Variants in CELSR2 observed in about 807,000 individuals in gnomAD.
CELSR2 encodes EGF-like protein 2.
CELSR2 carries 81 observed loss-of-function variants against 251.6 expected under a neutral mutation model. The ratio of observed to expected loss-of-function variants is 0.32; its 90% CI spans 0.27 to 0.39. CELSR2 has a LOEUF of 0.39. Ranked by LOEUF, CELSR2 falls within the 10% of genes least tolerant of loss-of-function variation. The probability of loss-of-function intolerance (pLI) is 1.00; values close to 1 mark genes in which losing one functional copy is unlikely to be tolerated. For synonymous variants in CELSR2, 1,721 were observed against 1,670.5 expected (o/e 1.03, Z -0.74); for missense variants, 3,365 against 3,947.7 (o/e 0.85, Z 3.96).
Position 109,273,355 on chromosome 1 carries a change from G to A in CELSR2, c.8509+19G>A, listed in dbSNP as rs756375568. The A allele has an allele frequency of 6.2e-7, 1 of 1,602,580 alleles. No homozygotes were observed. The highest frequency in any genetic ancestry group is 1.1e-5 in the South Asian group (1 of 89,362). Reference sequence around the variant, plus strand: ...CACAAAGGTGAGTGGGGCACCCCCAGCTGCCGAGCTCCCCTAGTCAGCAGC... The same window carrying A: ...CACAAAGGTGAGTGGGGCACCCCCAACTGCCGAGCTCCCCTAGTCAGCAGC... On this transcript the variant is annotated intron_variant, in intron 32 of 33. Coordinates refer to ENST00000271332, the MANE Select transcript of CELSR2 (RefSeq NM_001408.3).
In CELSR2 at chr1:109,253,239, C is replaced by T; in HGVS notation, c.3160C>T (p.Pro1054Ser). 6.2e-7 allele frequency: 1 copy of T among 1,613,488 alleles called. No homozygotes were observed. Among genetic ancestry groups the T allele is most frequent in the Non-Finnish European group, 8.5e-7 (1 of 1,180,046 alleles). Residue 1054 changes from proline (P) to serine (S), a missense_variant, in exon 1 of 34, where the codon CCT becomes TCT. Transcript: ENST00000271332. Reference sequence around the variant, plus strand: ...CATTGGCCGAGTACCTGCCCATGACCCTGATATCTCAGATAGTCTGACTTA... The same window carrying T: ...CATTGGCCGAGTACCTGCCCATGACTCTGATATCTCAGATAGTCTGACTTA... ...GAIGRVPAHD[P>S]DISDSLTYSF...
At chr1:109,263,533 C>G in intron 8 of CELSR2, 78 bp from the exon 9 acceptor site, 1 of 1,553,700 alleles carries the variant, frequency 6.4e-7, no homozygotes, top group Non-Finnish European at 8.8e-7. Context: ...TCCCGTGCAG[C>G]CGCCACCGCT....
In CELSR2 at chr1:109,266,221, C is replaced by T. The variant is rs1344997997; in HGVS notation, c.6013+15C>T. ...AGGCTCCTTTGGTAGGTGTTGGAGG[C>T]CCCGATGTGATGTCGAGGACATGGC... is the stretch of plus-strand genomic sequence containing the variant. On this transcript the variant is annotated intron_variant, in intron 15 of 33. Coordinates refer to ENST00000271332, the MANE Select transcript of CELSR2 (RefSeq NM_001408.3). The T allele has an allele frequency of 6.2e-7, 1 of 1,613,304 alleles. No individual in the cohort carries two copies. The highest frequency in any genetic ancestry group is 1.1e-5 in the South Asian group (1 of 91,042).
rs760443708 is a variant in CELSR2, at chr1:109,252,312, G to T, written c.2233G>T (p.Ala745Ser). 6.2e-7 allele frequency: 1 copy of T among 1,613,142 alleles called. No homozygotes were observed. The highest frequency in any genetic ancestry group is 8.5e-7 in the Non-Finnish European group (1 of 1,180,024). Residue 745 changes from alanine (A) to serine (S), a missense_variant, in exon 1 of 34, where the codon GCC becomes TCC. By Grantham distance (99) the Ala-to-Ser change is moderately conservative. Around this residue, in one of 5 missense-constraint regions of CELSR2, gnomAD observed 505 missense variants for 660.0 expected, o/e 0.77. Coordinates refer to ENST00000271332, the MANE Select transcript of CELSR2 (RefSeq NM_001408.3). The surrounding 1 kb of genome is among the most constrained non-coding windows in gnomAD (Gnocchi z 4.8). ...CACGGATGAGGACACAGGTGAGAAT[G>T]CCCGCATCACCTACTTCATGGAGGA... ...SATDEDTGEN[A>S]RITYFMEDSI...
chr1:109,252,750 G>C lies in CELSR2; in HGVS notation c.2671G>C (p.Ala891Pro). The C allele has an allele frequency of 6.2e-7, 1 of 1,614,024 alleles. No individual in the cohort carries two copies. Among genetic ancestry groups the C allele is most frequent in the Non-Finnish European group, 8.5e-7 (1 of 1,180,038 alleles). ...GAACGTGGCCCAGTATGTCTTGCGGGCATATGCAGTGGACAAGGGGATGCC... is the reference window on the plus strand; with the variant it reads ...GAACGTGGCCCAGTATGTCTTGCGGCCATATGCAGTGGACAAGGGGATGCC... ...RENVAQYVLR[A>P]YAVDKGMPPA... Residue 891 changes from alanine (A) to proline (P), a missense_variant, in exon 1 of 34, where the codon GCA (alanine) becomes CCA (proline). Ala to Pro is a conservative substitution (Grantham distance 27). Transcript: ENST00000271332. This position sits in a 1 kb window ranked among gnomAD's most constrained non-coding sequence, Gnocchi z 4.8.
In CELSR2 at chr1:109,270,556, G is replaced by A. The variant is rs759555728; in HGVS notation, c.7439G>A (p.Arg2480His). The A allele has an allele frequency of 5.0e-6, 8 of 1,614,138 alleles. No homozygotes were observed. The highest frequency in any genetic ancestry group is 1.6e-4 in the Middle Eastern group (1 of 6,062). ...CGCGATGTCAACACCGGCCCCATGC[G>A]CTTCTACTACATGCTGGGCTGGGGC... ...EVRDVNTGPM[R>H]FYYMLGWGVP... The change falls in exon 24 of 34, where the codon CGC (arginine) becomes CAC (histidine). Residue 2480 changes from arginine (R) to histidine (H), a missense_variant. Arg to His is a conservative substitution (Grantham distance 29). Around this residue, in one of 5 missense-constraint regions of CELSR2, gnomAD observed 2,093 missense variants for 2,382.8 expected, o/e 0.88. Transcript: ENST00000271332.
In CELSR2 at chr1:109,253,164, C is replaced by G. The variant is rs1655748001; in HGVS notation, c.3085C>G (p.Leu1029Val). 1 of 1,613,612 alleles carries G rather than the reference C, an allele frequency of 6.2e-7. No individual in the cohort carries two copies. The highest frequency in any genetic ancestry group is 1.3e-5 in the African/African-American group (1 of 74,932). ...ACCAGTGCTGGGCAACTTTGAGATC[C>G]TTTTCAACAACTATGTCACCAATCG... ...NPPVLGNFEI[L>V]FNNYVTNRSS... Residue 1029 changes from leucine (L) to valine (V), a missense_variant, in exon 1 of 34, where the codon CTT (leucine) becomes GTT (valine). Around this residue, in one of 5 missense-constraint regions of CELSR2, gnomAD observed 505 missense variants for 660.0 expected, o/e 0.77. Coordinates refer to ENST00000271332, the MANE Select transcript of CELSR2 (RefSeq NM_001408.3).
At chr1:109,266,416 G>T (rs546340102) in intron 15 of CELSR2, 15 of 604,220 alleles carry the variant, frequency 2.5e-5, no homozygotes, top group African/African-American at 3.7e-5. Context: ...TTTTGTTTTG[G>T]TTTGGTTTTT....
rs754111088 is a variant in CELSR2, at chr1:109,258,991, C to T, written c.3870C>T (p.Asp1290=). Residue 1290 remains aspartate (D), a synonymous_variant, in exon 2 of 34, where the codon GAC becomes GAT. Transcript: ENST00000271332. ...FTGDYCETEV[D]LCYSRPCGPH... ...GTGACTACTGCGAGACCGAGGTGGA[C>T]CTCTGCTACTCGCGGCCCTGTGGCC... The T allele has an allele frequency of 6.2e-7, 1 of 1,608,188 alleles. No homozygotes were observed. The highest frequency in any genetic ancestry group is 8.5e-7 in the Non-Finnish European group (1 of 1,179,396).
chr1:109,255,320 C>T (rs1199161076), intron 1 of CELSR2, among the ~76,000 whole-genome samples: 1 of 152,180 alleles, frequency 6.6e-6, no homozygotes, highest in Admixed American at 6.6e-5. Flanking sequence ...CTCCCTGCTC[C>T]TGCGGCTCTC....
In CELSR2 at chr1:109,269,280, C is replaced by T. The variant is rs753461512; in HGVS notation, c.6802C>T (p.Arg2268Cys). 6.2e-7 allele frequency: 1 copy of T among 1,613,252 alleles called. No individual in the cohort carries two copies. Among genetic ancestry groups the T allele is most frequent in the Non-Finnish European group, 8.5e-7 (1 of 1,179,974 alleles). ...LLPHNYDPDK[R>C]SLRVPKRPII... ...GCCTCATAACTATGACCCTGACAAG[C>T]GCAGCTTGAGGTCAGCAGCTAGGGG... Residue 2268 changes from arginine to cysteine, a missense_variant, in exon 20 of 34, where the codon CGC (arginine) becomes TGC (cysteine). Coordinates refer to ENST00000271332, the MANE Select transcript of CELSR2 (RefSeq NM_001408.3). This position sits in a 1 kb window ranked among gnomAD's most constrained non-coding sequence, Gnocchi z 6.4.
chr1:109,256,491 C>T (rs190002508), intron 1 of CELSR2, among the ~76,000 whole-genome samples: 4 of 152,300 alleles, frequency 2.6e-5, no homozygotes, highest in African/African-American at 7.2e-5. Context: ...CTGGTACAGT[C>T]AGCCACCGCA....
At position 109,270,584 on chromosome 1, in the gene CELSR2, G is replaced by C. The variant is rs757223017; in HGVS notation, c.7467G>C (p.Val2489=). ...MRFYYMLGWG[V]PAFITGLAVG... ...TCTACTACATGCTGGGCTGGGGCGT[G>C]CCTGCCTTCATCACAGGTACTCCCA... Residue 2489 remains valine (V), a synonymous_variant, in exon 24 of 34, where the codon GTG becomes GTC. Coordinates refer to ENST00000271332, the MANE Select transcript of CELSR2 (RefSeq NM_001408.3). The C allele has an allele frequency of 6.2e-7, 1 of 1,613,990 alleles. No individual in the cohort carries two copies. Among genetic ancestry groups the C allele is most frequent in the Non-Finnish European group, 8.5e-7 (1 of 1,179,998 alleles).
Position 109,273,018 on chromosome 1 carries a change from A to T in CELSR2, c.8329A>T (p.Thr2777Ser), listed in dbSNP as rs1378985062. ...AGCAGAGAGACTGCCCCTGCACAGTACTCCCAAGGGTGGGCCAGCACTGGG... is the reference window on the plus strand; with the variant it reads ...AGCAGAGAGACTGCCCCTGCACAGTTCTCCCAAGGGTGGGCCAGCACTGGG... ...PGAERLPLHS[T>S]PKDGGPGPGK... The change falls in exon 31 of 34, where the codon ACT becomes TCT. Residue 2777 changes from threonine to serine, a missense_variant. Physicochemically the swap from Thr to Ser is moderately conservative, Grantham distance 58 (BLOSUM62 1). This residue lies in a region of CELSR2 where 2,093 missense variants were observed against 2,382.8 expected (regional missense o/e 0.88). Coordinates refer to ENST00000271332, the MANE Select transcript of CELSR2 (RefSeq NM_001408.3). The T allele has an allele frequency of 1.9e-6, 3 of 1,611,502 alleles. No homozygotes were observed. The highest frequency in any genetic ancestry group is 8.5e-7 in the Non-Finnish European group (1 of 1,178,686).
In CELSR2 at chr1:109,251,524, C is replaced by T; in HGVS notation, c.1445C>T (p.Pro482Leu). ...LRVRAQDGGR[P>L]PLSNVSGLVT... is the part of the protein sequence containing the mutation. Reference sequence around the variant, plus strand: ...GTGCGAGCACAGGATGGTGGCCGTCCCCCACTCTCTAATGTCTCTGGCTTG... The same window carrying T: ...GTGCGAGCACAGGATGGTGGCCGTCTCCCACTCTCTAATGTCTCTGGCTTG... Residue 482 changes from proline (P) to leucine (L), a missense_variant, in exon 1 of 34, where the codon CCC (proline) becomes CTC (leucine). By Grantham distance (98) the Pro-to-Leu change is moderately conservative (BLOSUM62 -3). This residue lies in a region of CELSR2 where 704 missense variants were observed against 784.1 expected (regional missense o/e 0.90). Transcript: ENST00000271332. The surrounding 1 kb of genome is among the most constrained non-coding windows in gnomAD (Gnocchi z 4.9). 1 of 1,613,638 alleles carries T rather than the reference C, an allele frequency of 6.2e-7. No individual in the cohort carries two copies. The highest frequency in any genetic ancestry group is 8.5e-7 in the Non-Finnish European group (1 of 1,179,998).
At position 109,263,164 on chromosome 1, in the gene CELSR2, G is replaced by A; in HGVS notation, c.4731G>A (p.Val1577=). 1 of 1,599,864 alleles carries A rather than the reference G, an allele frequency of 6.3e-7. No individual in the cohort carries two copies. The highest frequency in any genetic ancestry group is 1.7e-5 in the Admixed American group (1 of 59,782). ...CAGGCTGCCCTGCCAAGAAGAACGTGTGTGACAGCAACACTTGCCACAATG... is the reference window on the plus strand; with the variant it reads ...CAGGCTGCCCTGCCAAGAAGAACGTATGTGACAGCAACACTTGCCACAATG... The part of the protein sequence containing the change: ...TVPGCPAKKN[V]CDSNTCHNGG... The change falls in exon 8 of 34, where the codon GTG becomes GTA. Residue 1577 remains valine (V), a synonymous_variant. Coordinates refer to ENST00000271332, the MANE Select transcript of CELSR2 (RefSeq NM_001408.3).
chr1:109,259,534 G>C (rs549856399), intron 2 of CELSR2, among the ~76,000 whole-genome samples: 62 of 152,298 alleles, frequency 4.1e-4, no homozygotes, highest in Non-Finnish European at 7.5e-4. Context: ...TTAAGGGAAC[G>C]CTGAGATTGG....
chr1:109,273,961 C>A, intron 33 of CELSR2, 61 bp from the exon 34 acceptor site: 1 of 1,593,350 alleles, frequency 6.3e-7, no homozygotes, highest in Non-Finnish European at 8.6e-7. Context: ...TTCACTCTCT[C>A]CTCTGTTTCA....
At chr1:109,273,817 T>C in intron 33 of CELSR2, 147 bp downstream of exon 33, 2 of 976,466 alleles carry the variant, frequency 2.0e-6, no homozygotes, top group Admixed American at 2.4e-5. Flanking sequence ...TACTATGCCG[T>C]GCCCACAAAC....
Sources: allele counts gnomAD v4.1 joint callset (sites outside exome capture counted in the v4.1 genomes callset), GRCh38; gene constraint gnomAD v4.1.1; regional missense constraint gnomAD v4.1.1; non-coding constraint Gnocchi (gnomAD v3.1); transcripts MANE v1.5; gene names NCBI Gene and HGNC (gene_info 2026-07-23, HGNC 2026-07-21).